The following HOXA11 variants were observed in gnomAD, a reference collection of about 807,000 sequenced individuals.
HOXA11 encodes the protein homeobox protein Hox-A11.
Under a neutral mutation model 22.5 loss-of-function variants are expected in HOXA11, and 8 were observed. The ratio of observed to expected loss-of-function variants is 0.36; its 90% CI spans 0.21 to 0.64. The LOEUF (loss-of-function observed/expected upper bound fraction) is 0.64, where lower values mean the gene tolerates loss of function less well. HOXA11 is among the 30% of genes least tolerant of loss of function. The pLI is 0.67. For synonymous variants in HOXA11, 211 were observed against 188.4 expected (o/e 1.12, Z -0.98); for missense variants, 388 against 429.0 (o/e 0.90, Z 0.84).
Position 27,184,644 on chromosome 7 carries a change from C to T in HOXA11, c.501G>A (p.Lys167=). The part of the protein sequence containing the change: ...SDYPGDKSAE[K]GPPAATATSA... ...AGGTCGCCGTGGCCGCCGGGGGCCC[C>T]TTCTCGGCGCTCTTGTCCCCGGGGT... The change falls in exon 1 of 2, where the codon AAG becomes AAA. Residue 167 remains lysine (K), a synonymous_variant. Coordinates refer to ENST00000006015, the MANE Select transcript of HOXA11 (RefSeq NM_005523.6). The T allele has an allele frequency of 6.3e-7, 1 of 1,595,188 alleles. No individual in the cohort carries two copies. The highest frequency in any genetic ancestry group is 1.7e-5 in the Admixed American group (1 of 58,076).
chr7:27,184,454 C>A lies in HOXA11; in HGVS notation c.691G>T (p.Asp231Tyr). The change falls in exon 1 of 2, where the codon GAC (aspartate) becomes TAC (tyrosine). Residue 231 changes from aspartate to tyrosine, a missense_variant. Around this residue, in one of 4 missense-constraint regions of HOXA11, gnomAD observed 295 missense variants for 281.1 expected, o/e 1.05. Transcript: ENST00000006015. ...SPESSSGHTE[D>Y]KAGGSSGQRT... ...TACGTACTGGAGCCGCCGGCCTTGT[C>A]CTCAGTGTGGCCGGAAGACGACTCG... 1 of 1,568,502 alleles carries A rather than the reference C, an allele frequency of 6.4e-7. No homozygotes were observed. The highest frequency in any genetic ancestry group is 2.4e-5 in the East Asian group (1 of 42,284).
chr7:27,181,474 T>C lies in HOXA11; in HGVS notation c.*1322A>G, dbSNP rs1268084870. 1.5e-5 allele frequency: 3 copies of C among 195,754 alleles called. No individual in the cohort carries two copies. The highest frequency in any genetic ancestry group is 1.2e-4 in the Admixed American group (2 of 16,432). The allele number at this position is 195,754 out of a possible 1,614,324, so 12.1% of individuals were successfully genotyped here. ...CAACACCCTAAAGGAAATCAACTAA[T>C]GGCAAAAGAAAAAAGAAAAAGAGAA... On this transcript the variant is annotated 3_prime_UTR_variant, in exon 2 of 2. Transcript: ENST00000006015.
chr7:27,183,366 C>T (rs914341200), intron 1 of HOXA11, among the ~76,000 whole-genome samples: 2 of 152,266 alleles, frequency 1.3e-5, no homozygotes, highest in Non-Finnish European at 2.9e-5. Flanking sequence ...CCGGCTGCCT[C>T]TCGCAGGCCA....
intron 1 of HOXA11, among the ~76,000 whole-genome samples, chr7:27,183,330 CTT>C (rs981726236): frequency 4.6e-5 from 7 of 152,250 alleles, no homozygotes; most frequent in African/African-American, 1.7e-4. Context: ...GCCTAAGCCT[CTT>C]TGAAAGCAGC....
Position 27,182,788 on chromosome 7 carries a change from C to G in HOXA11, c.*8G>C, listed in dbSNP as rs751075694. 4 of 1,553,626 alleles carry G rather than the reference C, an allele frequency of 2.6e-6. No homozygotes were observed. In the Admixed American group the frequency reaches 6.7e-5, roughly 26 times the overall value. ...GAAGCCCCCCACCCAATTCCAGCCG[C>G]TGGAGTCTTAGAGGAGTGGATTTGC... On this transcript the variant is annotated 3_prime_UTR_variant, in exon 2 of 2. Transcript: ENST00000006015.
Position 27,184,574 on chromosome 7 carries a change from T to C in HOXA11, c.571A>G (p.Ser191Gly). 10 of 1,504,988 alleles carry C rather than the reference T, an allele frequency of 6.6e-6. No individual in the cohort carries two copies. The highest frequency in any genetic ancestry group is 8.0e-6 in the Non-Finnish European group (9 of 1,125,400). 93.2% of individuals were successfully genotyped at this position (1,504,988 alleles called of 1,614,324 possible). A position where few individuals can be genotyped will look rare whatever the true frequency, so the allele number is the denominator to read the frequency against. Residue 191 changes from serine to glycine, a missense_variant, in exon 1 of 2, where the codon AGT becomes GGT. Ser to Gly is a moderately conservative substitution (Grantham distance 56). Around this residue, in one of 4 missense-constraint regions of HOXA11, gnomAD observed 295 missense variants for 281.1 expected, o/e 1.05. Transcript: ENST00000006015. Reference sequence around the variant, plus strand: ...CCGCCGCCGCCGCCGCTGTCCGAACTTGAAGTTGCCGGCGCGCCCGTTGCA... The same window carrying C: ...CCGCCGCCGCCGCCGCTGTCCGAACCTGAAGTTGCCGGCGCGCCCGTTGCA... ...AAATGAPATS[S>G]SDSGGGGGCR...
At chr7:27,184,359 T>A in intron 1 of HOXA11, 77 bp downstream of exon 1, 1 of 1,422,398 alleles carries the variant, frequency 7.0e-7, no homozygotes, top group Non-Finnish European at 9.6e-7. Context: ...AAACAGCATA[T>A]AAAAATTTAA....
At position 27,181,434 on chromosome 7, in the gene HOXA11, C is replaced by G. The variant is rs573004664; in HGVS notation, c.*1362G>C. 1.5e-4 allele frequency: 23 copies of G among 149,904 alleles called. No individual in the cohort carries two copies. Among genetic ancestry groups the G allele is most frequent in the African/African-American group, 6.8e-4 (20 of 29,368 alleles). 9.3% of individuals were successfully genotyped at this position (149,904 alleles called of 1,614,324 possible). A position where few individuals can be genotyped will look rare whatever the true frequency, so the allele number is the denominator to read the frequency against. Reference sequence around the variant, plus strand: ...AGATTAAAAAGACCATTCTCAATACCTTTTCCACCCCCTCCAACACCCTAA... The same window carrying G: ...AGATTAAAAAGACCATTCTCAATACGTTTTCCACCCCCTCCAACACCCTAA... On this transcript the variant is annotated 3_prime_UTR_variant, in exon 2 of 2. Coordinates refer to ENST00000006015, the MANE Select transcript of HOXA11 (RefSeq NM_005523.6).
At position 27,184,782 on chromosome 7, in the gene HOXA11, T is replaced by G; in HGVS notation, c.363A>C (p.Ala121=). 1 of 1,613,864 alleles carries G rather than the reference T, an allele frequency of 6.2e-7. No homozygotes were observed. Among genetic ancestry groups the G allele is most frequent in the East Asian group, 2.2e-5 (1 of 44,870 alleles). Residue 121 remains alanine, a synonymous_variant, in exon 1 of 2, where the codon GCA becomes GCC. Transcript: ENST00000006015. ...CGGTGCTATAGAAATTGGACGAGACTGCGGGGGTGGGGTGGTGGTAGACGT... is the reference window on the plus strand; with the variant it reads ...CGGTGCTATAGAAATTGGACGAGACGGCGGGGGTGGGGTGGTGGTAGACGT... ...SANVYHHPTP[A]VSSNFYSTVG...
In HOXA11 at chr7:27,184,563, G is replaced by GCCC. The variant is rs1783827412; in HGVS notation, c.581_582insGGG (p.Ser194delinsArgGly). 6.7e-7 allele frequency: 1 copy of GCCC among 1,500,408 alleles called. No homozygotes were observed. Among genetic ancestry groups the GCCC allele is most frequent in the African/African-American group, 1.4e-5 (1 of 68,992 alleles). 92.9% of individuals were successfully genotyped at this position (1,500,408 alleles called of 1,614,324 possible). On this transcript the variant is annotated protein_altering_variant, in exon 1 of 2. Coordinates refer to ENST00000006015, the MANE Select transcript of HOXA11 (RefSeq NM_005523.6). ...TCTCCCGGCAGCCGCCGCCGCCGCC[G>GCCC]CTGTCCGAACTTGAAGTTGCCGGCG...
chr7:27,184,647 C>G lies in HOXA11; in HGVS notation c.498G>C (p.Glu166Asp). ...SSDYPGDKSAEKGPPAATATS... is the reference protein window; with the variant it reads ...SSDYPGDKSADKGPPAATATS... ...TCGCCGTGGCCGCCGGGGGCCCCTTCTCGGCGCTCTTGTCCCCGGGGTAGT... is the reference window on the plus strand; with the variant it reads ...TCGCCGTGGCCGCCGGGGGCCCCTTGTCGGCGCTCTTGTCCCCGGGGTAGT... Residue 166 changes from glutamate to aspartate, a missense_variant, in exon 1 of 2, where the codon GAG (glutamate) becomes GAC (aspartate). This residue lies in a region of HOXA11 where 295 missense variants were observed against 281.1 expected (regional missense o/e 1.05). Transcript: ENST00000006015. The G allele has an allele frequency of 6.2e-7, 1 of 1,600,296 alleles. No individual in the cohort carries two copies. The highest frequency in any genetic ancestry group is 8.5e-7 in the Non-Finnish European group (1 of 1,174,498).
Position 27,184,955 on chromosome 7 carries a change from C to T in HOXA11, c.190G>A (p.Glu64Lys), listed in dbSNP as rs1177106514. ...VQPVREVTFR[E>K]YAIEPATKWH... is the part of the protein sequence containing the mutation. Reference sequence around the variant, plus strand: ...TTAGTGGCGGGCTCAATGGCGTACTCTCTGAAGGTCACTTCGCGCACGGGT... The same window carrying T: ...TTAGTGGCGGGCTCAATGGCGTACTTTCTGAAGGTCACTTCGCGCACGGGT... The change falls in exon 1 of 2, where the codon GAG becomes AAG. Residue 64 changes from glutamate to lysine, a missense_variant. By Grantham distance (56) the Glu-to-Lys change is moderately conservative (BLOSUM62 1). Around this residue, in one of 4 missense-constraint regions of HOXA11, gnomAD observed 295 missense variants for 281.1 expected, o/e 1.05. Transcript: ENST00000006015. 5 of 1,613,784 alleles carry T rather than the reference C, an allele frequency of 3.1e-6. No homozygotes were observed. Among genetic ancestry groups the T allele is most frequent in the Middle Eastern group, 1.6e-4 (1 of 6,084 alleles).
At position 27,184,481 on chromosome 7, in the gene HOXA11, G is replaced by GGAT; in HGVS notation, c.663_664insATC (p.Ser221_Pro222insIle). 6.4e-7 allele frequency: 1 copy of GGAT among 1,550,684 alleles called. No individual in the cohort carries two copies. The highest frequency in any genetic ancestry group is 1.2e-5 in the South Asian group (1 of 84,062). On this transcript the variant is annotated inframe_insertion, in exon 1 of 2. Transcript: ENST00000006015. ...TCAGTGTGGCCGGAAGACGACTCGG[G>GGAT]GCTGCTGCTGCTCTCGGGGCGCCGC... is the stretch of plus-strand genomic sequence containing the variant.
At position 27,184,769 on chromosome 7, in the gene HOXA11, A is replaced by T. The variant is rs1396193557; in HGVS notation, c.376T>A (p.Phe126Ile). 1 of 1,613,724 alleles carries T rather than the reference A, an allele frequency of 6.2e-7. No homozygotes were observed. Among genetic ancestry groups the T allele is most frequent in the African/African-American group, 1.3e-5 (1 of 74,906 alleles). Residue 126 changes from phenylalanine (F) to isoleucine (I), a missense_variant, in exon 1 of 2, where the codon TTC (phenylalanine) becomes ATC (isoleucine). Around this residue, in one of 4 missense-constraint regions of HOXA11, gnomAD observed 295 missense variants for 281.1 expected, o/e 1.05. Coordinates refer to ENST00000006015, the MANE Select transcript of HOXA11 (RefSeq NM_005523.6). Reference sequence around the variant, plus strand: ...CCGTTCCTGCCCACGGTGCTATAGAAATTGGACGAGACTGCGGGGGTGGGG... The same window carrying T: ...CCGTTCCTGCCCACGGTGCTATAGATATTGGACGAGACTGCGGGGGTGGGG... ...HHPTPAVSSN[F>I]YSTVGRNGVL...
chr7:27,183,175 C>G, intron 1 of HOXA11, 147 bp from the exon 2 acceptor site: 1 of 625,546 alleles, frequency 1.6e-6, no homozygotes, highest in East Asian at 2.7e-5. Flanking sequence ...GCCTTTAACG[C>G]TCCGACTGCA....
rs1230605960 is a variant in HOXA11 at position 27,181,909 on chromosome 7, C to T, written c.*887G>A. 1 of 223,990 alleles carries T rather than the reference C, an allele frequency of 4.5e-6. No homozygotes were observed. The allele number at this position is 223,990 out of a possible 1,614,324, so 13.9% of individuals were successfully genotyped here. A position where few individuals can be genotyped will look rare whatever the true frequency, so the allele number is the denominator to read the frequency against. ...CTGGCCAGGCCCACTGCTCTGCAGC[C>T]AGACACTGAGCAAATCCAAGTTTCA... On this transcript the variant is annotated 3_prime_UTR_variant, in exon 2 of 2. Transcript: ENST00000006015.
intron 1 of HOXA11, among the ~76,000 whole-genome samples, chr7:27,183,581 C>G (rs968504761): frequency 6.6e-6 from 1 of 152,142 alleles, no homozygotes; most frequent in Non-Finnish European, 1.5e-5. Flanking sequence ...CTTCCGGCTC[C>G]GCCGAGGTGG....
At position 27,181,686 on chromosome 7, in the gene HOXA11, G is replaced by C. The variant is rs77444786; in HGVS notation, c.*1110C>G. 62 of 176,544 alleles carry C rather than the reference G, an allele frequency of 3.5e-4. 1 individual carries two copies. In the East Asian group the frequency reaches 5.4e-3, roughly 15 times the overall value. 10.9% of individuals were successfully genotyped at this position (176,544 alleles called of 1,614,324 possible). ...CTCTACATTGCATCTTTTAAAATTC[G>C]CTTTGGTTCCTTCAGGGAAATATAT... On this transcript the variant is annotated 3_prime_UTR_variant, in exon 2 of 2. Coordinates refer to ENST00000006015, the MANE Select transcript of HOXA11 (RefSeq NM_005523.6).
At chr7:27,183,992 A>T (rs1783812571) in intron 1 of HOXA11, among the ~76,000 whole-genome samples, 1 of 152,138 alleles carries the variant, frequency 6.6e-6, no homozygotes, top group South Asian at 2.1e-4. Flanking sequence ...CGCCGTCGTT[A>T]AACAGCGACG....
Sources: gnomAD v4.1 joint callset for allele counts (sites outside exome capture counted in the v4.1 genomes callset) on GRCh38, gnomAD v4.1.1 for gene constraint, gnomAD v4.1.1 regional missense constraint, MANE v1.5 for transcripts, NCBI Gene and HGNC (gene_info 2026-07-23, HGNC 2026-07-21) for gene names.